The following PCDHGB7 variants were observed in gnomAD, a reference collection of about 807,000 sequenced individuals.
The protein encoded by PCDHGB7 is protocadherin gamma-B7.
A neutral mutation model predicts 61.4 loss-of-function variants in PCDHGB7; 37 were observed. The ratio of observed to expected loss-of-function variants is 0.60; its 90% CI spans 0.46 to 0.79. The LOEUF is 0.79. PCDHGB7 is among the 30% of genes least tolerant of loss of function. The pLI, the probability that PCDHGB7 is intolerant of heterozygous loss-of-function variation, is 0.00. For missense variants in PCDHGB7, 1,166 were observed against 1,202.5 expected (o/e 0.97, Z 0.45); for synonymous variants, 464 against 503.5 (o/e 0.92, Z 1.05).
At position 141,511,005 on chromosome 5, in the gene PCDHGB7, C is replaced by T; in HGVS notation, c.2622C>T (p.Ala874=). ...GGGAGTMGLS[A]RYGPQFTLQH... The stretch of plus-strand genomic sequence containing the variant: ...GTGCCGGCACCATGGGATTGAGCGC[C>T]CGCTACGGACCCCAGTTCACCCTGC... Residue 874 remains alanine, a synonymous_variant, in exon 4 of 4, where the codon GCC becomes GCT. Coordinates refer to ENST00000398594, the MANE Select transcript of PCDHGB7 (RefSeq NM_018927.4). The T allele has an allele frequency of 6.2e-7, 1 of 1,614,176 alleles. No individual in the cohort carries two copies.
chr5:141,441,609 A>G (rs922588350), intron 1 of PCDHGB7: 2 of 218,734 alleles, frequency 9.1e-6, no homozygotes, highest in South Asian at 5.5e-5. Context: ...TCCCTATTCC[A>G]TCGTGGCCAG....
intron 1 of PCDHGB7, chr5:141,430,826 C>A: frequency 6.4e-7 from 1 of 1,550,416 alleles, no homozygotes; most frequent in Non-Finnish European, 8.7e-7. Flanking sequence ...CCTGGGGACT[C>A]TGTGGGAGAC....
intron 1 of PCDHGB7, chr5:141,421,833 C>A: frequency 6.2e-7 from 1 of 1,613,756 alleles, no homozygotes; most frequent in South Asian, 1.1e-5. Context: ...GAAGCCTGGA[C>A]CGAGAGAAAG....
At chr5:141,433,732 G>A (rs1181042854) in intron 1 of PCDHGB7, among the ~76,000 whole-genome samples, 2 of 151,886 alleles carry the variant, frequency 1.3e-5, no homozygotes, top group Non-Finnish European at 2.9e-5. Flanking sequence ...AGCTACTTGG[G>A]AGGCTGAGTC....
rs776773140 is a variant in PCDHGB7, at chr5:141,476,589, G to A, written c.2416-18218G>A. 5 of 1,614,246 alleles carry A rather than the reference G, an allele frequency of 3.1e-6. No individual in the cohort carries two copies. Among genetic ancestry groups the A allele is most frequent in the Non-Finnish European group, 4.2e-6 (5 of 1,180,046 alleles). On this transcript the variant is annotated intron_variant, in intron 1 of 3. Coordinates refer to ENST00000398594, the MANE Select transcript of PCDHGB7 (RefSeq NM_018927.4). This position sits in a 1 kb window ranked among gnomAD's most constrained non-coding sequence, Gnocchi z 7.6. ...CCGGGGACGCGCTTTCCGCTCGAGA[G>A]CGCGCACGATCCCGATGTGGGAAGC...
At position 141,476,455 on chromosome 5, in the gene PCDHGB7, G is replaced by A. The variant is rs572682842; in HGVS notation, c.2416-18352G>A. The A allele has an allele frequency of 1.2e-6, 2 of 1,614,034 alleles. No individual in the cohort carries two copies. The highest frequency in any genetic ancestry group is 2.2e-5 in the South Asian group (2 of 91,084). ...CTGTAACTCTGGAGTTGGTAGTGGA[G>A]AACCCGCTGGAGCTGTTCAGCGTGG... On this transcript the variant is annotated intron_variant, in intron 1 of 3. Coordinates refer to ENST00000398594, the MANE Select transcript of PCDHGB7 (RefSeq NM_018927.4). This position sits in a 1 kb window ranked among gnomAD's most constrained non-coding sequence, Gnocchi z 7.6.
At chr5:141,438,583 CAT>C (rs1561889590) in intron 1 of PCDHGB7, among the ~76,000 whole-genome samples, 4 of 57,610 alleles carry the variant, frequency 6.9e-5, no homozygotes, top group African/African-American at 3.6e-4. Flanking sequence ...TACATACATA[CAT>C]ACATACATAT....
rs1219045744 is a variant in PCDHGB7 at position 141,476,783 on chromosome 5, G to T, written c.2416-18024G>T. The stretch of plus-strand genomic sequence containing the variant: ...GACGGCGTTGGACGGAGGGACCCCA[G>T]CTCTCTCCGCCAGCCTGCCTATTCA... On this transcript the variant is annotated intron_variant, in intron 1 of 3. Transcript: ENST00000398594. The surrounding 1 kb of genome is among the most constrained non-coding windows in gnomAD (Gnocchi z 7.6). 5 of 1,613,392 alleles carry T rather than the reference G, an allele frequency of 3.1e-6. No homozygotes were observed. The highest frequency in any genetic ancestry group is 2.7e-5 in the African/African-American group (2 of 74,930).
intron 1 of PCDHGB7, chr5:141,428,285 C>G (rs765814584): frequency 1.1e-5 from 8 of 734,934 alleles, no homozygotes; most frequent in Non-Finnish European, 1.7e-5. Context: ...GATTCCCAAG[C>G]AAAGCTGCAG....
At position 141,477,811 on chromosome 5, in the gene PCDHGB7, C is replaced by A. The variant is rs1211574518; in HGVS notation, c.2416-16996C>A. 1 of 1,614,046 alleles carries A rather than the reference C, an allele frequency of 6.2e-7. No individual in the cohort carries two copies. Among genetic ancestry groups the A allele is most frequent in the Non-Finnish European group, 8.5e-7 (1 of 1,180,034 alleles). On this transcript the variant is annotated intron_variant, in intron 1 of 3. Transcript: ENST00000398594. This position sits in a 1 kb window ranked among gnomAD's most constrained non-coding sequence, Gnocchi z 4.9. ...TCACTGATCGCAATGACAATGCCCC[C>A]CAGGTCCTATATCCTCGGCCAGGTG...
At position 141,511,271 on chromosome 5, in the gene PCDHGB7, C is replaced by T. The variant is rs371445452; in HGVS notation, c.*98C>T. ...GCCTCAGAGTTTCAGGGCTAACCCC[C>T]AGAATACTGGTAGGGGCCAAGGCCA... On this transcript the variant is annotated 3_prime_UTR_variant, in exon 4 of 4. Transcript: ENST00000398594. 9.1e-6 allele frequency: 14 copies of T among 1,544,094 alleles called. No individual in the cohort carries two copies. In the African/African-American group the frequency reaches 1.6e-4, roughly 18 times the overall value.
chr5:141,492,548 C>T (rs1028674110), intron 1 of PCDHGB7, among the ~76,000 whole-genome samples: 5 of 152,218 alleles, frequency 3.3e-5, no homozygotes, highest in African/African-American at 9.6e-5. Flanking sequence ...TGGGCCGGGT[C>T]GCCTGGGGGG....
At chr5:141,466,508 T>C (rs2099123841) in intron 1 of PCDHGB7, among the ~76,000 whole-genome samples, 1 of 152,190 alleles carries the variant, frequency 6.6e-6, no homozygotes, top group African/African-American at 2.4e-5. Context: ...ACAGACAAGA[T>C]CATTTTTTTT....
chr5:141,447,168 T>C (rs1027377060), intron 1 of PCDHGB7, among the ~76,000 whole-genome samples: 2 of 152,174 alleles, frequency 1.3e-5, no homozygotes, highest in Non-Finnish European at 2.9e-5. Context: ...AAGCGGGGTC[T>C]TGCTCTTGTC....
intron 1 of PCDHGB7, among the ~76,000 whole-genome samples, chr5:141,447,527 A>C (rs1278828003): frequency 6.6e-6 from 1 of 152,224 alleles, no homozygotes; most frequent in East Asian, 1.9e-4. Flanking sequence ...TCATAACAAA[A>C]TTGTTGGGTT....
chr5:141,431,071 A>G lies in PCDHGB7; in HGVS notation c.2415+10797A>G. The G allele has an allele frequency of 6.2e-7, 1 of 1,614,244 alleles. No homozygotes were observed. On this transcript the variant is annotated intron_variant, in intron 1 of 3. Coordinates refer to ENST00000398594, the MANE Select transcript of PCDHGB7 (RefSeq NM_018927.4). The surrounding 1 kb of genome is among the most constrained non-coding windows in gnomAD (Gnocchi z 4.8). ...GTATGGGGGCCATCAAGTGTCAATTAAATCTAGACATTCTGATGGAGGATA... is the reference window on the plus strand; with the variant it reads ...GTATGGGGGCCATCAAGTGTCAATTGAATCTAGACATTCTGATGGAGGATA...
intron 2 of PCDHGB7, among the ~76,000 whole-genome samples, chr5:141,503,963 C>T (rs900066192): frequency 7.2e-5 from 11 of 152,188 alleles, no homozygotes; most frequent in Admixed American, 6.5e-4. Flanking sequence ...ACAGCCTTTC[C>T]CATGGTGCCA....
Position 141,432,454 on chromosome 5 carries a change from C to T in PCDHGB7, c.2415+12180C>T, listed in dbSNP as rs751733947. On this transcript the variant is annotated intron_variant, in intron 1 of 3. Coordinates refer to ENST00000398594, the MANE Select transcript of PCDHGB7 (RefSeq NM_018927.4). The surrounding 1 kb of genome is among the most constrained non-coding windows in gnomAD (Gnocchi z 6.0). ...ACAATGCGCCCGAGATCCTGTACCC[C>T]GCCCTCCCCACGGACGGTTCCACTG... 134 of 1,614,108 alleles carry T rather than the reference C, an allele frequency of 8.3e-5. No homozygotes were observed. The highest frequency in any genetic ancestry group is 1.1e-4 in the Non-Finnish European group (133 of 1,180,058).
chr5:141,503,222 G>C (rs540244346), intron 2 of PCDHGB7, among the ~76,000 whole-genome samples: 1 of 152,120 alleles, frequency 6.6e-6, no homozygotes, highest in Middle Eastern at 3.4e-3. Context: ...CATGAGCACC[G>C]TAAAGATGGA....
Sources: gnomAD v4.1 joint callset for allele counts (sites outside exome capture counted in the v4.1 genomes callset) on GRCh38, gnomAD v4.1.1 for gene constraint, Gnocchi (gnomAD v3.1) non-coding constraint, MANE v1.5 for transcripts, NCBI Gene and HGNC (gene_info 2026-07-23, HGNC 2026-07-21) for gene names.